NCKAP5: variants seen among roughly 807,000 people sequenced by gnomAD.
NCKAP5 encodes the protein nck-associated protein 5.
A neutral mutation model predicts 167.0 loss-of-function variants in NCKAP5; 92 were observed. The observed-to-expected ratio is 0.55, with a 90% CI of 0.47 to 0.66. NCKAP5 has a LOEUF of 0.66. NCKAP5 is among the 30% of genes least tolerant of loss of function. NCKAP5 has a pLI of 0.00. For missense variants in NCKAP5, 2,378 were observed against 2,315.0 expected (o/e 1.03, Z -0.56); for synonymous variants, 891 against 877.4 (o/e 1.02, Z -0.27).
intron 19 of NCKAP5, among the ~76,000 whole-genome samples, chr2:132,700,934 G>T (rs529985742): frequency 0.014 from 2,142 of 150,358 alleles, 66 homozygotes; most frequent in African/African-American, 0.04. Flanking sequence ...CCTGGGCGGG[G>T]GGGGGGGCTT....
chr2:133,606,291 A>G, the NCKAP5 span, among the ~76,000 whole-genome samples: 1 of 152,332 alleles, frequency 6.6e-6, no homozygotes, highest in African/African-American at 2.4e-5. Flanking sequence ...AGCATGTTAA[A>G]CATTCTAAGA....
intron 6 of NCKAP5, among the ~76,000 whole-genome samples, chr2:133,103,665 C>T (rs113306220): frequency 0.011 from 1,682 of 152,236 alleles, 40 homozygotes; most frequent in African/African-American, 0.038. Flanking sequence ...GGTACTCCAG[C>T]TACTTGGGAG....
chr2:133,046,515 A>G (rs553232794), intron 6 of NCKAP5, among the ~76,000 whole-genome samples: 5 of 152,168 alleles, frequency 3.3e-5, no homozygotes, highest in African/African-American at 1.2e-4. Context: ...AGTAGCTGGG[A>G]CTACAGGCAA....
chr2:133,644,298 C>T, the NCKAP5 span, among the ~76,000 whole-genome samples: 8 of 152,200 alleles, frequency 5.3e-5, no homozygotes, highest in Admixed American at 5.2e-4. Flanking sequence ...CATCAGTCTT[C>T]CCCTGCCTTC....
At chr2:133,017,016 G>C (rs1011586808) in intron 6 of NCKAP5, among the ~76,000 whole-genome samples, 1 of 152,206 alleles carries the variant, frequency 6.6e-6, no homozygotes, top group Non-Finnish European at 1.5e-5. Flanking sequence ...TTGATAGGCA[G>C]TGTGAAATGT....
At chr2:133,003,013 C>T (rs1247795364) in intron 6 of NCKAP5, among the ~76,000 whole-genome samples, 1 of 152,148 alleles carries the variant, frequency 6.6e-6, no homozygotes, top group Non-Finnish European at 1.5e-5. Context: ...GTAAAACAAA[C>T]CAAATATCTA....
intron 6 of NCKAP5, among the ~76,000 whole-genome samples, chr2:133,120,000 G>T (rs1188350805): frequency 1.3e-5 from 2 of 152,046 alleles, no homozygotes; most frequent in Admixed American, 1.3e-4. Flanking sequence ...TAACCATGGG[G>T]ATATCAATAT....
chr2:132,856,362 G>A (rs1689469557), intron 11 of NCKAP5, among the ~76,000 whole-genome samples: 1 of 151,412 alleles, frequency 6.6e-6, no homozygotes, highest in African/African-American at 2.5e-5. Flanking sequence ...CAAGTAGAAT[G>A]TAAAAGCCCT....
chr2:133,397,964 C>A (rs1430368031), intron 3 of NCKAP5, among the ~76,000 whole-genome samples: 1 of 152,052 alleles, frequency 6.6e-6, no homozygotes, highest in African/African-American at 2.4e-5. Context: ...AATCTTTTGA[C>A]AAGTCCTGTA....
At chr2:132,913,697 A>C (rs10175655) in intron 8 of NCKAP5, among the ~76,000 whole-genome samples, 4,329 of 152,234 alleles carry the variant, frequency 0.028, 169 homozygotes, top group African/African-American at 0.098. Context: ...TGCCTCTTGC[A>C]AATTATGCAA....
the NCKAP5 span, among the ~76,000 whole-genome samples, chr2:133,584,917 A>G: frequency 6.7e-6 from 1 of 148,524 alleles, no homozygotes; most frequent in East Asian, 2.0e-4. Context: ...AGTAGGTTTT[A>G]GCTGTTCTTG....
In NCKAP5 at chr2:132,733,363, G is replaced by A. The variant is rs142336173; in HGVS notation, c.5129-1312C>T. On this transcript the variant is annotated intron_variant, in intron 16 of 19. Transcript: ENST00000409261. ...TGTAATAGATTACGACATAATGTTTGTACCAAAAGCTCAACAGCTACCACT... is the reference window on the plus strand; with the variant it reads ...TGTAATAGATTACGACATAATGTTTATACCAAAAGCTCAACAGCTACCACT... Among the ~76,000 whole-genome samples, 205 of 152,296 alleles carry A rather than the reference G, an allele frequency of 1.3e-3. 1 individual carries two copies. The highest frequency in any genetic ancestry group is 4.8e-3 in the African/African-American group (198 of 41,572).
At chr2:133,097,418 C>T (rs2081377082) in intron 6 of NCKAP5, among the ~76,000 whole-genome samples, 1 of 152,188 alleles carries the variant, frequency 6.6e-6, no homozygotes, top group Non-Finnish European at 1.5e-5. Flanking sequence ...CATCTCTTTA[C>T]AGATTCCTGA....
the NCKAP5 span, among the ~76,000 whole-genome samples, chr2:133,620,127 A>G: frequency 6.6e-6 from 1 of 152,044 alleles, no homozygotes; most frequent in Non-Finnish European, 1.5e-5. Context: ...ACACCAAAAC[A>G]GAACCTCCTT....
intron 4 of NCKAP5, among the ~76,000 whole-genome samples, chr2:133,274,725 T>C (rs2089657145): frequency 6.6e-6 from 1 of 151,714 alleles, no homozygotes; most frequent in Non-Finnish European, 1.5e-5. Flanking sequence ...CATTATTAAT[T>C]ATTGGGGAAG....
intron 5 of NCKAP5, among the ~76,000 whole-genome samples, chr2:133,140,989 G>C (rs1258753469): frequency 6.6e-6 from 1 of 151,940 alleles, no homozygotes; most frequent in East Asian, 1.9e-4. Flanking sequence ...TTTCCAGAAT[G>C]TTCAATACAT....
At chr2:132,925,560 T>A (rs1456113890) in intron 8 of NCKAP5, among the ~76,000 whole-genome samples, 1 of 88,766 alleles carries the variant, frequency 1.1e-5, no homozygotes, top group Non-Finnish European at 1.9e-5. Context: ...AGACTCCGTC[T>A]CAAAAAAAAA....
chr2:133,667,539 GCCCTT>G, the NCKAP5 span, among the ~76,000 whole-genome samples: 45 of 152,006 alleles, frequency 3.0e-4, no homozygotes, highest in Admixed American at 9.8e-4. Flanking sequence ...CCTAACTAAA[GCCCTT>G]GCTGACTTTC....
In NCKAP5 at chr2:132,886,766, A is replaced by G. The variant is rs375187600; in HGVS notation, c.580-7850T>C. Among the ~76,000 whole-genome samples the G allele has an allele frequency of 1.4e-4, 21 of 152,328 alleles. No homozygotes were observed. The South Asian group carries it at 3.9e-3, about 29-fold the overall frequency. Reference sequence around the variant, plus strand: ...CTTAGTGCATTGTATCAGGAGGCACATGATACCAATTTATCCTATTACTAC... The same window carrying G: ...CTTAGTGCATTGTATCAGGAGGCACGTGATACCAATTTATCCTATTACTAC... On this transcript the variant is annotated intron_variant, in intron 8 of 19. Transcript: ENST00000409261.
Sources: allele counts gnomAD v4.1 joint callset (sites outside exome capture counted in the v4.1 genomes callset), GRCh38; gene constraint gnomAD v4.1.1; transcripts MANE v1.5; gene names NCBI Gene and HGNC (gene_info 2026-07-23, HGNC 2026-07-21).